Variants in TECPR2 observed in about 807,000 individuals in gnomAD.
TECPR2 encodes the protein tectonin beta-propeller repeat containing 2, also known as tectonin beta-propeller repeat-containing protein 2.
A neutral mutation model predicts 138.1 loss-of-function variants in TECPR2; 65 were observed. The ratio of observed to expected loss-of-function variants is 0.47; its 90% CI spans 0.39 to 0.58. TECPR2 has a LOEUF of 0.58. Among genes scored for constraint, TECPR2 ranks in the 20% least tolerant of loss-of-function variants. The probability of loss-of-function intolerance (pLI) is 0.00; values close to 1 mark genes in which losing one functional copy is unlikely to be tolerated. For synonymous variants in TECPR2, 746 were observed against 749.8 expected, an observed-to-expected ratio of 0.99 and a Z score of 0.08; for missense variants, 1,553 against 1,824.5, an observed-to-expected ratio of 0.85 and a Z score of 2.71.
rs1171572690 is a variant in TECPR2, at chr14:102,500,254, GCCAGCCCAGCCCCA to G, written c.*2001_*2014del. 1 of 152,500 alleles carries G rather than the reference GCCAGCCCAGCCCCA, an allele frequency of 6.6e-6. No homozygotes were observed. The highest frequency in any genetic ancestry group is 1.5e-5 in the Non-Finnish European group (1 of 68,088). The allele number at this position is 152,500 out of a possible 1,614,324, so 9.4% of individuals were successfully genotyped here. On this transcript the variant is annotated 3_prime_UTR_variant, in exon 20 of 20. Transcript: ENST00000359520. ...ACGAGGGCAGTGCAAGGGAGAACCT[GCCAGCCCAGCCCCA>G]CCACAGGGAGAGTGCGTCAGCAGAC... is the stretch of plus-strand genomic sequence containing the variant.
chr14:102,443,702 GC>G lies in TECPR2; in HGVS notation c.2809del (p.Leu937CysfsTer14). On this transcript the variant is annotated frameshift_variant, in exon 12 of 20. Coordinates refer to ENST00000359520, the MANE Select transcript of TECPR2 (RefSeq NM_014844.5). LOFTEE classifies it high-confidence loss of function. The surrounding 1 kb of genome is among the most constrained non-coding windows in gnomAD (Gnocchi z 4.9). ...RAVKVDCPYP[L>X]SQITARNNVV... ...CCGTAAAGGTGGACTGTCCCTACCC[GC>G]TGTCCCAGATCACAGCCCGGAACAA... 6.2e-7 allele frequency: 1 copy of G among 1,611,854 alleles called. No homozygotes were observed. Among genetic ancestry groups the G allele is most frequent in the Non-Finnish European group, 8.5e-7 (1 of 1,178,442 alleles).
chr14:102,490,579 G>C (rs1891133497), intron 17 of TECPR2, among the ~76,000 whole-genome samples: 1 of 152,176 alleles, frequency 6.6e-6, no homozygotes. Flanking sequence ...TGTGGCTCGG[G>C]GTCATGATTG....
intron 6 of TECPR2, 25 bp from the exon 7 acceptor site, chr14:102,428,215 GTTTTTTGTTT>G (rs1889377321): frequency 3.8e-6 from 5 of 1,309,484 alleles, no homozygotes; most frequent in African/African-American, 3.9e-5. Context: ...TTAGTTTTGT[GTTTTTTGTTT>G]TTTTTTTTTT....
chr14:102,376,476 C>T (rs1463233452), intron 1 of TECPR2, among the ~76,000 whole-genome samples, 174 bp from the exon 2 acceptor site: 1 of 152,206 alleles, frequency 6.6e-6, no homozygotes, highest in Non-Finnish European at 1.5e-5. Context: ...TACTGAAGTG[C>T]ATTTTGAGTT....
In TECPR2 at chr14:102,434,705, A is replaced by AAT; in HGVS notation, c.1888_1889insAT (p.Ile630AsnfsTer17). 6.2e-7 allele frequency: 1 copy of AAT among 1,613,740 alleles called. No individual in the cohort carries two copies. The highest frequency in any genetic ancestry group is 8.5e-7 in the Non-Finnish European group (1 of 1,179,952). ...TCCTGGGGCGCATGATGGGGAAGAC[A>AAT]TCCAACCCATTGGCCCCCAAAGCAC... On this transcript the variant is annotated frameshift_variant, in exon 9 of 20. Transcript: ENST00000359520. LOFTEE classifies it high-confidence loss of function.
rs1889963901 is a variant in TECPR2 at position 102,445,907 on chromosome 14, T to C, written c.3035T>C (p.Ile1012Thr). 1 of 1,614,024 alleles carries C rather than the reference T, an allele frequency of 6.2e-7. No individual in the cohort carries two copies. Residue 1012 changes from isoleucine (I) to threonine (T), a missense_variant, in exon 13 of 20, where the codon ATT becomes ACT. Ile to Thr is a moderately conservative substitution (Grantham distance 89, BLOSUM62 -1). Coordinates refer to ENST00000359520, the MANE Select transcript of TECPR2 (RefSeq NM_014844.5). The stretch of plus-strand genomic sequence containing the variant: ...AACCTGTGGTTCAGAACTGGCATTA[T>C]TTCCAAGAAGCCCCAAGGAGATGAC... ...HGNLWFRTGI[I>T]SKKPQGDDDH... is the part of the protein sequence containing the mutation.
intron 11 of TECPR2, among the ~76,000 whole-genome samples, chr14:102,441,316 C>T (rs1190549): frequency 0.29 from 43,679 of 150,772 alleles, 7,017 homozygotes; most frequent in Non-Finnish European, 0.35. Flanking sequence ...GTGATCTGCC[C>T]GCCTCAGCCT....
chr14:102,469,521 A>T (rs1013796952), intron 17 of TECPR2, among the ~76,000 whole-genome samples: 1 of 152,124 alleles, frequency 6.6e-6, no homozygotes, highest in Non-Finnish European at 1.5e-5. Context: ...CAATAGAGAT[A>T]ATTTTACTTC....
intron 2 of TECPR2, among the ~76,000 whole-genome samples, chr14:102,384,493 A>T (rs1247562328): frequency 6.6e-6 from 1 of 151,618 alleles, no homozygotes; most frequent in Non-Finnish European, 1.5e-5. Context: ...CCTGGACAAC[A>T]TGGTGAAACC....
intron 9 of TECPR2, among the ~76,000 whole-genome samples, 162 bp downstream of exon 9, chr14:102,435,373 G>A (rs1156756389): frequency 6.6e-6 from 1 of 152,230 alleles, no homozygotes; most frequent in Non-Finnish European, 1.5e-5. Context: ...GGGATTTCCA[G>A]CACAGGGACT....
intron 4 of TECPR2, among the ~76,000 whole-genome samples, chr14:102,409,810 T>C (rs538801329): frequency 2.0e-5 from 3 of 152,106 alleles, no homozygotes; most frequent in South Asian, 4.2e-4. Context: ...TTTAAAAATA[T>C]ACATATTTTT....
In TECPR2 at chr14:102,498,149, C is replaced by T. The variant is rs1567366727; in HGVS notation, c.4128C>T (p.Leu1376=). The T allele has an allele frequency of 6.2e-7, 1 of 1,613,108 alleles. No individual in the cohort carries two copies. Among genetic ancestry groups the T allele is most frequent in the African/African-American group, 1.3e-5 (1 of 74,912 alleles). The change falls in exon 20 of 20, where the codon CTC becomes CTT. Residue 1376 remains leucine (L), a synonymous_variant. Coordinates refer to ENST00000359520, the MANE Select transcript of TECPR2 (RefSeq NM_014844.5). ...ELWAVGPPGY[L]LQRLTKTFSH... The stretch of plus-strand genomic sequence containing the variant: ...GGGCTGTGGGCCCGCCCGGCTACCT[C>T]CTCCAACGGCTGACAAAGACGTTCA...
chr14:102,363,140 G>C (rs1370842139), intron 1 of TECPR2, 24 bp downstream of exon 1: 2 of 365,870 alleles, frequency 5.5e-6, no homozygotes, highest in Non-Finnish European at 9.7e-6. Context: ...CGCCGCAAGC[G>C]GCCCCGACGC....
chr14:102,374,430 C>G (rs529524167), intron 1 of TECPR2, among the ~76,000 whole-genome samples: 1 of 152,208 alleles, frequency 6.6e-6, no homozygotes, highest in East Asian at 1.9e-4. Flanking sequence ...TGCAGTGACA[C>G]AGTCATAGCT....
At chr14:102,449,556 C>G (rs562112766) in intron 13 of TECPR2, 73 bp from the exon 14 acceptor site, 3 of 1,589,044 alleles carry the variant, frequency 1.9e-6, no homozygotes, top group African/African-American at 2.7e-5. Flanking sequence ...GAGCTAGAAC[C>G]TTCCCTCAAG....
In TECPR2 at chr14:102,425,113, A is replaced by G; in HGVS notation, c.773A>G (p.Lys258Arg). Residue 258 changes from lysine (K) to arginine (R), a missense_variant, in exon 6 of 20, where the codon AAA (lysine) becomes AGA (arginine). Lys to Arg is a conservative substitution (Grantham distance 26, BLOSUM62 2). Coordinates refer to ENST00000359520, the MANE Select transcript of TECPR2 (RefSeq NM_014844.5). ...HGTVQATFIL[K>R]DAFAGGVKPF... ...ACTGTTCAAGCCACGTTTATCTTAA[A>G]AGATGCTTTTGCCGGGGGAGTCAAG... The G allele has an allele frequency of 1.2e-6, 2 of 1,614,178 alleles. No homozygotes were observed.
chr14:102,465,462 G>A, intron 17 of TECPR2, 173 bp downstream of exon 17: 2 of 1,404,354 alleles, frequency 1.4e-6, no homozygotes, highest in Non-Finnish European at 1.8e-6. Flanking sequence ...TGGAATTCGG[G>A]ATTTGTGAAG....
In TECPR2 at chr14:102,408,604, T is replaced by C; in HGVS notation, c.465T>C (p.Ser155=). The C allele has an allele frequency of 6.2e-7, 1 of 1,612,682 alleles. No individual in the cohort carries two copies. Residue 155 remains serine (S), a synonymous_variant, in exon 4 of 20, where the codon TCT becomes TCC. Transcript: ENST00000359520. ...ACAAAGGCAAAATTGTTTATTCTTC[T>C]CTGGATCTAGACCAGGTAAAATTAT... ...GDDKGKIVYS[S]LDLDQGLCNS...
intron 13 of TECPR2, 30 bp from the exon 14 acceptor site, chr14:102,449,599 G>T: frequency 6.2e-7 from 1 of 1,611,602 alleles, no homozygotes; most frequent in Non-Finnish European, 8.5e-7. Context: ...TGCTCTGACA[G>T]CAGGGCTTTT....
Sources: allele counts gnomAD v4.1 joint callset (sites outside exome capture counted in the v4.1 genomes callset), GRCh38; gene constraint gnomAD v4.1.1; non-coding constraint Gnocchi (gnomAD v3.1); transcripts MANE v1.5; gene names NCBI Gene and HGNC (gene_info 2026-07-23, HGNC 2026-07-21).